The following MFGE8 variants were observed in gnomAD, a reference collection of about 807,000 sequenced individuals.
MFGE8 encodes milk fat globule EGF and factor V/VIII domain containing.
MFGE8 carries 34 observed loss-of-function variants against 42.6 expected under a neutral mutation model. The ratio of observed to expected loss-of-function variants is 0.80; its 90% CI spans 0.61 to 1.06. MFGE8 has a LOEUF of 1.06. Ranked by LOEUF, MFGE8 falls within the 50% of genes least tolerant of loss-of-function variation. MFGE8 has a pLI of 0.00. For missense variants in MFGE8, 510 were observed against 516.9 expected (o/e 0.99, Z 0.13); for synonymous variants, 230 against 214.8 (o/e 1.07, Z -0.62).
Position 88,902,512 on chromosome 15 carries a change from T to C in MFGE8, c.686-777A>G, listed in dbSNP as rs987139824. On this transcript the variant is annotated intron_variant, in intron 5 of 7. Coordinates refer to ENST00000268150, the MANE Select transcript of MFGE8 (RefSeq NM_005928.4). The surrounding 1 kb of genome is among the most constrained non-coding windows in gnomAD (Gnocchi z 4.3). ...CTCCTGGGGCACAGGAACATCTCTA[T>C]TTCCATTCCCCAGAAGCCCCCTGAC... 6.6e-6 allele frequency: 1 copy of C among 152,224 alleles called. No homozygotes were observed. Among genetic ancestry groups the C allele is most frequent in the Non-Finnish European group, 1.5e-5 (1 of 68,078 alleles). The allele number at this position is 152,224 out of a possible 1,614,324, so 9.4% of individuals were successfully genotyped here.
chr15:88,901,517 A>AAC, intron 6 of MFGE8, 34 bp downstream of exon 6: 139 of 1,072,454 alleles, frequency 1.3e-4, no homozygotes, highest in Middle Eastern at 2.4e-4. Flanking sequence ...ATCCCACCCA[A>AAC]CCCCAGCCCC....
rs35023517 is a variant in MFGE8, at chr15:88,902,239, CA to C, written c.686-505del. ...TTACTTCAGTCATTTAACCTGCCAC[CA>C]AAAAAAAAAAGAAAAAAAAACACTA... On this transcript the variant is annotated intron_variant, in intron 5 of 7. Coordinates refer to ENST00000268150, the MANE Select transcript of MFGE8 (RefSeq NM_005928.4). The surrounding 1 kb of genome is among the most constrained non-coding windows in gnomAD (Gnocchi z 4.3). The C allele has an allele frequency of 2.5e-3, 303 of 121,586 alleles. No individual in the cohort carries two copies. Among genetic ancestry groups the C allele is most frequent in the Middle Eastern group, 4.2e-3 (1 of 236 alleles). The allele number at this position is 121,586 out of a possible 1,614,324, so 7.5% of individuals were successfully genotyped here.
In MFGE8 at chr15:88,899,766, C is replaced by A. The variant is rs1433684651; in HGVS notation, c.916G>T (p.Gly306Trp). ...TGGACAGAGCCAAAGTTACGGGCCC[C>A]CTGGGTGATGATGCCTGTCACCTCC... Reference protein sequence around the residue: ...SKEVTGIITQGARNFGSVQFV... With the variant: ...SKEVTGIITQWARNFGSVQFV... Residue 306 changes from glycine (G) to tryptophan (W), a missense_variant, in exon 7 of 8, where the codon GGG becomes TGG. Gly to Trp is a radical substitution (Grantham distance 184). Coordinates refer to ENST00000268150, the MANE Select transcript of MFGE8 (RefSeq NM_005928.4). This position sits in a 1 kb window ranked among gnomAD's most constrained non-coding sequence, Gnocchi z 6.8. 6.2e-7 allele frequency: 1 copy of A among 1,614,098 alleles called. No homozygotes were observed. The highest frequency in any genetic ancestry group is 1.7e-5 in the Admixed American group (1 of 60,004).
In MFGE8 at chr15:88,901,582, G is replaced by C; in HGVS notation, c.839C>G (p.Ala280Gly). Residue 280 changes from alanine (A) to glycine (G), a missense_variant, in exon 6 of 8, where the codon GCG becomes GGG. By Grantham distance (60) the Ala-to-Gly change is moderately conservative (BLOSUM62 0). Coordinates refer to ENST00000268150, the MANE Select transcript of MFGE8 (RefSeq NM_005928.4). ...DKQGNFNAWV[A>G]GSYGNDQWLQ... Reference sequence around the variant, plus strand: ...CCACTGATCGTTACCGTAGCTCCCCGCAACCCAGGCGTTGAAGTTGCCCTG... The same window carrying C: ...CCACTGATCGTTACCGTAGCTCCCCCCAACCCAGGCGTTGAAGTTGCCCTG... 7.3e-7 allele frequency: 1 copy of C among 1,363,816 alleles called. No individual in the cohort carries two copies. The highest frequency in any genetic ancestry group is 1.1e-5 in the South Asian group (1 of 88,000). The allele number at this position is 1,363,816 out of a possible 1,614,324, so 84.5% of individuals were successfully genotyped here. A position where few individuals can be genotyped will look rare whatever the true frequency, so the allele number is the denominator to read the frequency against.
At chr15:88,912,150 C>T (rs1898994164) in intron 1 of MFGE8, 1 of 1,289,830 alleles carries the variant, frequency 7.8e-7, no homozygotes, top group Non-Finnish European at 1.0e-6. Context: ...TATGGTGTTT[C>T]CTCCTTCTGG....
Position 88,906,213 on chromosome 15 carries a change from A to G in MFGE8, c.541-312T>C, listed in dbSNP as rs1898668188. ...TTAGGAAAAGGCACTCCTTTCTCAA[A>G]TAGTTTATTATGACAATTTTCTGAC... On this transcript the variant is annotated intron_variant, in intron 4 of 7. Coordinates refer to ENST00000268150, the MANE Select transcript of MFGE8 (RefSeq NM_005928.4). This position sits in a 1 kb window ranked among gnomAD's most constrained non-coding sequence, Gnocchi z 4.2. 1 of 485,318 alleles carries G rather than the reference A, an allele frequency of 2.1e-6. No homozygotes were observed. Among genetic ancestry groups the G allele is most frequent in the South Asian group, 2.1e-5 (1 of 47,818 alleles). 30.1% of individuals were successfully genotyped at this position (485,318 alleles called of 1,614,324 possible). A position where few individuals can be genotyped will look rare whatever the true frequency, so the allele number is the denominator to read the frequency against.
At chr15:88,907,777 G>C (rs1010612288) in intron 2 of MFGE8, among the ~76,000 whole-genome samples, 3 of 152,032 alleles carry the variant, frequency 2.0e-5, no homozygotes, top group Non-Finnish European at 4.4e-5. Flanking sequence ...CTGGTGCAGG[G>C]GTTAGACTGG....
chr15:88,908,940 C>T (rs1010427836), intron 2 of MFGE8, among the ~76,000 whole-genome samples: 3 of 152,192 alleles, frequency 2.0e-5, no homozygotes, highest in Non-Finnish European at 2.9e-5. Context: ...GAACCCATCC[C>T]CACATCTCCC....
chr15:88,913,126 C>G lies in MFGE8; in HGVS notation c.73+121G>C, dbSNP rs1899046218. The G allele has an allele frequency of 1.2e-5, 16 of 1,367,076 alleles. No homozygotes were observed. The South Asian group carries it at 2.6e-4, about 23-fold the overall frequency. 84.7% of individuals were successfully genotyped at this position (1,367,076 alleles called of 1,614,324 possible). A position where few individuals can be genotyped will look rare whatever the true frequency, so the allele number is the denominator to read the frequency against. On this transcript the variant is annotated intron_variant, in intron 1 of 7. Transcript: ENST00000268150. ...CGGAAGAAGCCGCCCCTCTGCCCAG[C>G]CCGGTCCCCGGGGCTTTGTCTAAGT...
chr15:88,900,269 G>A (rs1898300964), intron 6 of MFGE8, among the ~76,000 whole-genome samples: 1 of 151,678 alleles, frequency 6.6e-6, no homozygotes, highest in Non-Finnish European at 1.5e-5. Context: ...AAGCGGTGAG[G>A]GGGCATAAAT....
At chr15:88,900,467 C>T (rs1053671994) in intron 6 of MFGE8, among the ~76,000 whole-genome samples, 4 of 152,190 alleles carry the variant, frequency 2.6e-5, no homozygotes, top group African/African-American at 9.7e-5. Context: ...CCCTGCGGCG[C>T]CGCCCACAGT....
At chr15:88,900,471 C>T (rs543136881) in intron 6 of MFGE8, among the ~76,000 whole-genome samples, 3 of 152,282 alleles carry the variant, frequency 2.0e-5, no homozygotes, top group Admixed American at 2.0e-4. Context: ...GCGGCGCCGC[C>T]CACAGTCTGA....
chr15:88,912,197 G>A (rs1208433300), intron 1 of MFGE8: 1 of 1,289,310 alleles, frequency 7.8e-7, no homozygotes, highest in African/African-American at 1.5e-5. Flanking sequence ...ACATCTTTGG[G>A]ACTTCAGAGT....
intron 2 of MFGE8, among the ~76,000 whole-genome samples, chr15:88,908,406 T>C (rs941499515): frequency 3.9e-5 from 6 of 152,230 alleles, no homozygotes; most frequent in East Asian, 3.9e-4. Context: ...ACTATCCCCA[T>C]ACCCCACCAC....
Position 88,905,539 on chromosome 15 carries a change from T to C in MFGE8, c.685+218A>G. ...AAACTGATGTCTTTTTCTCTATCAA[T>C]CAGAATGCCCTGGGTCATGGGTTGG... On this transcript the variant is annotated intron_variant, in intron 5 of 7. Coordinates refer to ENST00000268150, the MANE Select transcript of MFGE8 (RefSeq NM_005928.4). This position sits in a 1 kb window ranked among gnomAD's most constrained non-coding sequence, Gnocchi z 6.6. The C allele has an allele frequency of 1.4e-6, 1 of 705,616 alleles. No individual in the cohort carries two copies. Among genetic ancestry groups the C allele is most frequent in the Admixed American group, 2.0e-5 (1 of 49,842 alleles). The allele number at this position is 705,616 out of a possible 1,614,324, so 43.7% of individuals were successfully genotyped here.
At chr15:88,900,998 C>CATTCACACACAT (rs1898337575) in intron 6 of MFGE8, among the ~76,000 whole-genome samples, 1 of 144,366 alleles carries the variant, frequency 6.9e-6, no homozygotes, top group Admixed American at 6.9e-5. Flanking sequence ...TTCACACACA[C>CATTCACACACAT]ACATTCACAC....
intron 6 of MFGE8, 28 bp downstream of exon 6, chr15:88,901,522 AG>A: frequency 3.2e-5 from 26 of 822,342 alleles, no homozygotes; most frequent in Non-Finnish European, 4.9e-5. Context: ...ACCCAACCCC[AG>A]CCCCATATCC....
chr15:88,911,298 C>A (rs1467064517), intron 1 of MFGE8, among the ~76,000 whole-genome samples: 1 of 152,202 alleles, frequency 6.6e-6, no homozygotes, highest in African/African-American at 2.4e-5. Flanking sequence ...AACAGGAGGG[C>A]CTGTCCTCAA....
Position 88,907,251 on chromosome 15 carries a change from C to T in MFGE8, c.331G>A (p.Ala111Thr), listed in dbSNP as rs781333510. 7.4e-6 allele frequency: 12 copies of T among 1,614,002 alleles called. No individual in the cohort carries two copies. Among genetic ancestry groups the T allele is most frequent in the African/African-American group, 1.3e-5 (1 of 74,932 alleles). The change falls in exon 3 of 8, where the codon GCA becomes ACA. Residue 111 changes from alanine to threonine, a missense_variant. Coordinates refer to ENST00000268150, the MANE Select transcript of MFGE8 (RefSeq NM_005928.4). ...WVPELARLNR[A>T]GMVNAWTPSS... ...GGTGTCCAGGCATTGACCATGCCTG[C>T]GCGGTTCAGGCGGGCCAGCTCCGGG...
Sources: allele counts gnomAD v4.1 joint callset (sites outside exome capture counted in the v4.1 genomes callset), GRCh38; gene constraint gnomAD v4.1.1; non-coding constraint Gnocchi (gnomAD v3.1); transcripts MANE v1.5; gene names NCBI Gene and HGNC (gene_info 2026-07-23, HGNC 2026-07-21).